Variants in KCNH1 observed in about 807,000 individuals in gnomAD.
KCNH1 encodes the protein potassium voltage-gated channel subfamily H member 1.
A neutral mutation model predicts 69.2 loss-of-function variants in KCNH1; 27 were observed. The ratio of observed to expected loss-of-function variants is 0.39; its 90% confidence interval spans 0.29 to 0.54. The LOEUF (loss-of-function observed/expected upper bound fraction) is 0.54, where lower values mean the gene tolerates loss of function less well. Among genes scored for constraint, KCNH1 ranks in the 20% least tolerant of loss-of-function variants. KCNH1 has a pLI of 0.68. For missense variants in KCNH1, 798 were observed against 1,261.6 expected, an observed-to-expected ratio of 0.63 and a Z score of 5.57; for synonymous variants, 456 against 487.7, an observed-to-expected ratio of 0.93 and a Z score of 0.86.
chr1:210,785,543 T>C lies in KCNH1; in HGVS notation c.1916-9999A>G, dbSNP rs574198946. 1.7e-4 allele frequency among the ~76,000 whole-genome samples: 26 copies of C among 152,048 alleles called. 1 individual carries two copies. In the South Asian group the frequency reaches 5.0e-3, roughly 29 times the overall value. On this transcript the variant is annotated intron_variant, in intron 9 of 10. Transcript: ENST00000271751. ...GGGATTACAGGCACCTACCACCACA[T>C]CTGGGTAATTTTTGTATATTTAGTA... is the stretch of plus-strand genomic sequence containing the variant.
At chr1:210,998,869 C>T (rs1280164133) in intron 6 of KCNH1, among the ~76,000 whole-genome samples, 15 of 152,122 alleles carry the variant, frequency 9.9e-5, no homozygotes, top group African/African-American at 3.1e-4. Context: ...CACTCAAAAC[C>T]GCTCAAACTA....
chr1:211,064,959 T>G (rs1373874282), intron 5 of KCNH1, among the ~76,000 whole-genome samples: 2 of 152,194 alleles, frequency 1.3e-5, no homozygotes, highest in Admixed American at 1.3e-4. Context: ...TCTGTTAAAA[T>G]GACTATTATC....
chr1:210,740,519 T>C (rs1483311978), intron 10 of KCNH1, among the ~76,000 whole-genome samples: 1 of 152,106 alleles, frequency 6.6e-6, no homozygotes, highest in Non-Finnish European at 1.5e-5. Context: ...CTCAGTCTTA[T>C]ACTCTGCCAG....
chr1:210,893,041 G>T (rs1686780842), intron 7 of KCNH1, among the ~76,000 whole-genome samples: 1 of 152,172 alleles, frequency 6.6e-6, no homozygotes, highest in Non-Finnish European at 1.5e-5. Flanking sequence ...TCTGAACTGA[G>T]TCATTAAGGA....
At chr1:211,123,591 C>A (rs757652522) in intron 1 of KCNH1, among the ~76,000 whole-genome samples, 1 of 151,886 alleles carries the variant, frequency 6.6e-6, no homozygotes, top group Non-Finnish European at 1.5e-5. Flanking sequence ...CGGTGACAGA[C>A]GGTGACACAG....
At chr1:210,930,171 G>GA (rs1687653911) in intron 6 of KCNH1, among the ~76,000 whole-genome samples, 1 of 152,028 alleles carries the variant, frequency 6.6e-6, no homozygotes, top group African/African-American at 2.4e-5. Context: ...CACAGAACTA[G>GA]AAAAAACAAT....
chr1:210,699,731 T>C (rs1259190515), intron 10 of KCNH1, among the ~76,000 whole-genome samples: 1 of 152,256 alleles, frequency 6.6e-6, no homozygotes, highest in Non-Finnish European at 1.5e-5. Flanking sequence ...ATTCTACACA[T>C]GACTTTTTCC....
intron 7 of KCNH1, chr1:210,861,147 T>C (rs1685970265): frequency 4.4e-6 from 4 of 913,728 alleles, no homozygotes; most frequent in Non-Finnish European, 5.5e-6. Context: ...TCAAACTTCA[T>C]GCGTATATAC....
chr1:210,861,794 C>A, intron 7 of KCNH1: 2 of 767,416 alleles, frequency 2.6e-6, no homozygotes, highest in Non-Finnish European at 4.9e-6. Context: ...GGACTCCACT[C>A]CTCTAGTTTT....
At chr1:210,849,367 T>TTC (rs1553351193) in intron 7 of KCNH1, among the ~76,000 whole-genome samples, 5 of 125,984 alleles carry the variant, frequency 4.0e-5, no homozygotes, top group African/African-American at 1.2e-4. Context: ...CTTTCTTTCT[T>TTC]TTTTTTTTTT....
intron 6 of KCNH1, among the ~76,000 whole-genome samples, chr1:211,002,847 C>A (rs999749592): frequency 6.6e-6 from 1 of 151,930 alleles, no homozygotes; most frequent in Non-Finnish European, 1.5e-5. Flanking sequence ...AAGAGTCAAC[C>A]GGGGTGTCCT....
chr1:210,819,662 T>A (rs995507717), intron 7 of KCNH1, among the ~76,000 whole-genome samples: 5 of 152,172 alleles, frequency 3.3e-5, no homozygotes, highest in Non-Finnish European at 5.9e-5. Flanking sequence ...TTATACACTA[T>A]GATAAACTTG....
intron 7 of KCNH1, among the ~76,000 whole-genome samples, chr1:210,910,991 G>A (rs139201870): frequency 3.0e-4 from 45 of 152,238 alleles, no homozygotes; most frequent in South Asian, 1.2e-3. Flanking sequence ...CCAGCTGCAC[G>A]TGGTTTTCCT....
chr1:210,808,380 G>A (rs1298301422), intron 7 of KCNH1, among the ~76,000 whole-genome samples: 1 of 152,148 alleles, frequency 6.6e-6, no homozygotes, highest in Admixed American at 6.5e-5. Context: ...ATCAAGCAGG[G>A]ATGGACAACC....
chr1:211,115,719 A>G (rs1365707968), intron 1 of KCNH1, among the ~76,000 whole-genome samples: 2 of 138,644 alleles, frequency 1.4e-5, no homozygotes, highest in Non-Finnish European at 3.2e-5. Flanking sequence ...ATATATATGT[A>G]TATATATATA....
intron 6 of KCNH1, among the ~76,000 whole-genome samples, chr1:211,011,566 CAA>C (rs1473567140): frequency 1.3e-5 from 2 of 152,178 alleles, no homozygotes; most frequent in Non-Finnish European, 2.9e-5. Context: ...GAATCTTCTA[CAA>C]TGGTTGAACT....
In KCNH1 at chr1:211,000,985, T is replaced by A. The variant is rs181215982; in HGVS notation, c.1032+17798A>T. Reference sequence around the variant, plus strand: ...ATGTAGAAAGCTGAAACTGGATCCCTTCCTTATACCTTATATGAACATTAA... The same window carrying A: ...ATGTAGAAAGCTGAAACTGGATCCCATCCTTATACCTTATATGAACATTAA... On this transcript the variant is annotated intron_variant, in intron 6 of 10. Transcript: ENST00000271751. 1.8e-4 allele frequency among the ~76,000 whole-genome samples: 28 copies of A among 152,112 alleles called. No homozygotes were observed. In the East Asian group the frequency reaches 4.5e-3, roughly 24 times the overall value.
intron 6 of KCNH1, among the ~76,000 whole-genome samples, chr1:210,983,079 T>C (rs1279252691): frequency 6.6e-6 from 1 of 151,792 alleles, no homozygotes; most frequent in Non-Finnish European, 1.5e-5. Context: ...TTTTGAGAAG[T>C]GTCTGTTCAT....
At chr1:211,082,646 T>C (rs1690878761) in intron 5 of KCNH1, 134 bp downstream of exon 5, 4 of 711,592 alleles carry the variant, frequency 5.6e-6, no homozygotes, top group Non-Finnish European at 7.4e-6. Flanking sequence ...CTGTGGTGTG[T>C]AAGCCCAGCC....
Sources: gnomAD v4.1 joint callset for allele counts (sites outside exome capture counted in the v4.1 genomes callset) on GRCh38, gnomAD v4.1.1 for gene constraint, MANE v1.5 for transcripts, NCBI Gene and HGNC (gene_info 2026-07-23, HGNC 2026-07-21) for gene names.